The following RBFOX1 variants were observed in gnomAD, a reference collection of about 807,000 sequenced individuals.
RBFOX1 encodes the protein RNA binding fox-1 homolog 1.
RBFOX1 carries 8 observed loss-of-function variants against 57.7 expected under a neutral mutation model. The ratio of observed to expected loss-of-function variants is 0.14; its 90% CI spans 0.08 to 0.25. The LOEUF (loss-of-function observed/expected upper bound fraction) is 0.25. RBFOX1 is among the 10% of genes least tolerant of loss of function. The pLI, the probability that RBFOX1 is intolerant of heterozygous loss-of-function variation, is 1.00. For missense variants in RBFOX1, 611 were observed against 548.5 expected (o/e 1.11, Z -1.14); for synonymous variants, 326 against 222.4 (o/e 1.47, Z -4.15).
chr16:6,871,899 G>C (rs536997424), intron 3 of RBFOX1, among the ~76,000 whole-genome samples: 42 of 146,864 alleles, frequency 2.9e-4, no homozygotes, highest in African/African-American at 9.5e-4. Context: ...CTCTTTGAGA[G>C]AGGGAGAGAG....
At chr16:7,276,377 G>GA (rs916664978) in intron 4 of RBFOX1, among the ~76,000 whole-genome samples, 3 of 152,164 alleles carry the variant, frequency 2.0e-5, no homozygotes, top group African/African-American at 7.2e-5. Flanking sequence ...CAGATGTCCA[G>GA]AAAAAACAAG....
intron 3 of RBFOX1, among the ~76,000 whole-genome samples, chr16:5,819,061 C>T (rs907175278): frequency 2.0e-5 from 3 of 152,166 alleles, no homozygotes; most frequent in African/African-American, 7.2e-5. Context: ...GGTCTGTTCT[C>T]CTGCCCTGGT....
At chr16:6,357,378 C>T (rs1027288962) in intron 2 of RBFOX1, among the ~76,000 whole-genome samples, 86 of 152,146 alleles carry the variant, frequency 5.7e-4, no homozygotes, top group African/African-American at 2.0e-3. Context: ...TCCTATGCTT[C>T]TCCCCATTCA....
At chr16:7,554,213 G>A (rs968199585) in intron 5 of RBFOX1, among the ~76,000 whole-genome samples, 2 of 152,172 alleles carry the variant, frequency 1.3e-5, no homozygotes, top group Non-Finnish European at 2.9e-5. Flanking sequence ...TTCTAGGATC[G>A]AGCTAGGGGA....
intron 14 of RBFOX1, among the ~76,000 whole-genome samples, chr16:7,693,071 G>A (rs566601782): frequency 6.6e-6 from 1 of 152,062 alleles, no homozygotes. Context: ...GTAACACATA[G>A]TATTAATATT....
At chr16:7,412,998 C>T (rs1039538591) in intron 4 of RBFOX1, among the ~76,000 whole-genome samples, 4 of 152,024 alleles carry the variant, frequency 2.6e-5, no homozygotes, top group African/African-American at 9.6e-5. Flanking sequence ...GCCAAGATCA[C>T]GCCACTGCAC....
chr16:7,131,843 T>G (rs890642500), intron 4 of RBFOX1, among the ~76,000 whole-genome samples: 12 of 152,080 alleles, frequency 7.9e-5, no homozygotes, highest in African/African-American at 2.7e-4. Flanking sequence ...CATCTAAACA[T>G]CCAAATGGCT....
At chr16:5,423,192 TC>T (rs1355073899) in intron 1 of RBFOX1, among the ~76,000 whole-genome samples, 2 of 151,390 alleles carry the variant, frequency 1.3e-5, no homozygotes, top group East Asian at 3.9e-4. Flanking sequence ...GTAAATAGAG[TC>T]CCATGAATAT....
At chr16:7,295,923 G>A (rs1006705024) in intron 4 of RBFOX1, among the ~76,000 whole-genome samples, 13 of 152,174 alleles carry the variant, frequency 8.5e-5, no homozygotes, top group Admixed American at 7.2e-4. Context: ...GAAATGAGAA[G>A]GGTGTTTGGT....
intron 11 of RBFOX1, among the ~76,000 whole-genome samples, chr16:7,647,444 A>G (rs2063967676): frequency 6.6e-6 from 1 of 152,152 alleles, no homozygotes; most frequent in Non-Finnish European, 1.5e-5. Flanking sequence ...CCTCATGCCA[A>G]AAACTAAGGA....
intron 4 of RBFOX1, among the ~76,000 whole-genome samples, chr16:7,203,741 G>A (rs2089265291): frequency 6.6e-6 from 1 of 152,082 alleles, no homozygotes; most frequent in Admixed American, 6.6e-5. Flanking sequence ...GCAAATATCT[G>A]CTTGGTTAGT....
At chr16:6,206,141 A>G (rs2097253876) in intron 1 of RBFOX1, among the ~76,000 whole-genome samples, 1 of 152,150 alleles carries the variant, frequency 6.6e-6, no homozygotes, top group South Asian at 2.1e-4. Context: ...ACTCAGGAAG[A>G]AAACTTCTTA....
intron 1 of RBFOX1, among the ~76,000 whole-genome samples, chr16:5,354,036 C>G (rs553348996): frequency 2.7e-5 from 4 of 150,448 alleles, no homozygotes; most frequent in African/African-American, 9.7e-5. Context: ...ATTTGGAATA[C>G]TTACAATTCC....
intron 10 of RBFOX1, among the ~76,000 whole-genome samples, chr16:7,618,943 G>A (rs2058884271): frequency 6.6e-6 from 1 of 152,138 alleles, no homozygotes. Context: ...TTCCGCATCT[G>A]CATTAGCTAT....
intron 3 of RBFOX1, among the ~76,000 whole-genome samples, chr16:7,000,592 C>CTTTTTTTTTTTTTTT (rs1568307066): frequency 1.2e-5 from 1 of 84,054 alleles, no homozygotes; most frequent in African/African-American, 4.2e-5. Flanking sequence ...CTTTCTTTTT[C>CTTTTTTTTTTTTTTT]TTTCTTTTTT....
intron 1 of RBFOX1, among the ~76,000 whole-genome samples, chr16:6,070,219 A>G (rs1331227616): frequency 2.0e-5 from 3 of 152,194 alleles, no homozygotes; most frequent in African/African-American, 7.2e-5. Context: ...CCCTGGGGAG[A>G]TTTTGAGTAA....
intron 4 of RBFOX1, among the ~76,000 whole-genome samples, chr16:7,246,505 A>T (rs2094305525): frequency 6.6e-6 from 1 of 152,108 alleles, no homozygotes; most frequent in South Asian, 2.1e-4. Flanking sequence ...GCCTCTCTCC[A>T]GTCTCTCCCT....
intron 4 of RBFOX1, among the ~76,000 whole-genome samples, chr16:7,329,531 AAG>A (rs1295382411): frequency 2.0e-5 from 3 of 152,236 alleles, no homozygotes; most frequent in Non-Finnish European, 4.4e-5. Context: ...AACCTATGTT[AAG>A]AAAAAGAGGT....
At chr16:7,115,107 A>T (rs1271415793) in intron 4 of RBFOX1, among the ~76,000 whole-genome samples, 1 of 152,182 alleles carries the variant, frequency 6.6e-6, no homozygotes, top group East Asian at 1.9e-4. Context: ...TGTATTATAT[A>T]ATATCCTTCG....
Sources: gnomAD v4.1 joint callset for allele counts (sites outside exome capture counted in the v4.1 genomes callset) on GRCh38, gnomAD v4.1.1 for gene constraint, MANE v1.5 for transcripts, NCBI Gene and HGNC (gene_info 2026-07-23, HGNC 2026-07-21) for gene names.